The following TEX11 variants were observed in gnomAD, a reference collection of about 807,000 sequenced individuals.
TEX11 encodes the protein testis expressed 11, also known as testis-expressed protein 11.
In TEX11, 7 loss-of-function variants were observed where a neutral mutation model predicts 84.4. The observed-to-expected ratio is 0.08, with a 90% CI of 0.05 to 0.16. The LOEUF is 0.16. TEX11 is among the 10% of genes least tolerant of loss of function. TEX11 has a pLI of 1.00. For synonymous variants in TEX11, 264 were observed against 222.8 expected (o/e 1.18, Z -1.64); for missense variants, 551 against 660.5 (o/e 0.83, Z 1.82).
At chrX:70,903,240 A>T (rs552321370) in intron 2 of TEX11, among the ~76,000 whole-genome samples, 2 of 109,119 alleles carry the variant, frequency 1.8e-5, no homozygotes, top group African/African-American at 6.7e-5. Flanking sequence ...AAGATAGCAT[A>T]GTATGGTATA....
chrX:70,647,261 T>C (rs1368883458), intron 17 of TEX11, among the ~76,000 whole-genome samples: 1 of 111,116 alleles, frequency 9.0e-6, no homozygotes, highest in Non-Finnish European at 1.9e-5. Context: ...TCGGGGAGAT[T>C]AGGGAGATGG....
At chrX:70,515,653 T>C in the TEX11 span, among the ~76,000 whole-genome samples, 1 of 112,356 alleles carries the variant, frequency 8.9e-6, no homozygotes, top group South Asian at 3.7e-4. Flanking sequence ...GGATTGCTGG[T>C]TCAAATGGTA....
At chrX:70,835,290 A>C (rs2147834713) in intron 7 of TEX11, among the ~76,000 whole-genome samples, 1 of 112,403 alleles carries the variant, frequency 8.9e-6, no homozygotes, top group Admixed American at 9.5e-5. Flanking sequence ...CAAACAACCC[A>C]TAAAGTGTCT....
chrX:70,904,919 A>C (rs2091821509), intron 2 of TEX11, among the ~76,000 whole-genome samples: 1 of 112,832 alleles, frequency 8.9e-6, no homozygotes, highest in African/African-American at 3.2e-5. Flanking sequence ...AACATTTTTA[A>C]TATGACTACT....
chrX:70,896,776 A>T (rs1235495982), intron 2 of TEX11, among the ~76,000 whole-genome samples: 2 of 110,698 alleles, frequency 1.8e-5, no homozygotes, highest in Non-Finnish European at 3.8e-5. Context: ...AGGAACAGAA[A>T]ACCAAACACC....
intron 9 of TEX11, among the ~76,000 whole-genome samples, chrX:70,770,728 A>T (rs928509454): frequency 9.1e-6 from 1 of 110,447 alleles, no homozygotes; most frequent in African/African-American, 3.3e-5. Context: ...AATTTAAAAT[A>T]AAAAAAAAGA....
chrX:70,551,946 A>C (rs974308427), intron 28 of TEX11, among the ~76,000 whole-genome samples, 180 bp downstream of exon 28: 3 of 112,053 alleles, frequency 2.7e-5, no homozygotes, highest in Non-Finnish European at 3.8e-5. Context: ...GAAAATGTCT[A>C]CTTTCAACTA....
intron 24 of TEX11, among the ~76,000 whole-genome samples, chrX:70,600,042 G>T (rs2089075455): frequency 9.0e-6 from 1 of 110,833 alleles, no homozygotes; most frequent in Non-Finnish European, 1.9e-5. Context: ...CCCAGTAATG[G>T]GATTGCTGGG....
intron 7 of TEX11, among the ~76,000 whole-genome samples, chrX:70,849,804 C>A (rs1357192360): frequency 8.9e-6 from 1 of 112,050 alleles, no homozygotes; most frequent in African/African-American, 3.2e-5. Flanking sequence ...ATTATAACAA[C>A]TAACACTTTT....
At chrX:70,552,548 G>A (rs2088230143) in intron 27 of TEX11, among the ~76,000 whole-genome samples, 1 of 111,199 alleles carries the variant, frequency 9.0e-6, no homozygotes, top group East Asian at 2.8e-4. Flanking sequence ...GCATTTTAAA[G>A]CATCTCGGTA....
At chrX:70,618,457 C>T (rs2089344846) in intron 20 of TEX11, among the ~76,000 whole-genome samples, 1 of 111,517 alleles carries the variant, frequency 9.0e-6, no homozygotes, top group African/African-American at 3.3e-5. Context: ...ACATATTCCT[C>T]TTGTAACCTC....
intron 13 of TEX11, among the ~76,000 whole-genome samples, chrX:70,700,971 C>G (rs938157430): frequency 3.6e-4 from 40 of 111,564 alleles, no homozygotes; most frequent in African/African-American, 1.2e-3. Flanking sequence ...TCTATGAAGG[C>G]CTAGAGAGGT....
chrX:70,713,808 C>T (rs1227437461), intron 13 of TEX11, among the ~76,000 whole-genome samples: 4 of 111,155 alleles, frequency 3.6e-5, no homozygotes, highest in African/African-American at 6.5e-5. Flanking sequence ...CTGCTCTGAT[C>T]TTAGTTATTT....
intron 9 of TEX11, among the ~76,000 whole-genome samples, chrX:70,792,315 A>AATATAT (rs1556087562): frequency 3.2e-3 from 47 of 14,872 alleles, no homozygotes; most frequent in East Asian, 3.5e-3. Flanking sequence ...AAAAAAAAAA[A>AATATAT]ATATATATAT....
intron 25 of TEX11, among the ~76,000 whole-genome samples, chrX:70,564,330 C>T (rs986506590): frequency 8.9e-6 from 1 of 112,003 alleles, no homozygotes; most frequent in Admixed American, 9.4e-5. Flanking sequence ...CTCATAAAAT[C>T]CATGTATTAC....
chrX:70,613,331 C>A (rs1194499627), intron 20 of TEX11, among the ~76,000 whole-genome samples: 1 of 111,880 alleles, frequency 8.9e-6, no homozygotes, highest in African/African-American at 3.2e-5. Flanking sequence ...ACCAATGCCA[C>A]CCCTTCCCTA....
Position 70,749,736 on chromosome X carries a change from G to A in TEX11, c.693-5517C>T, listed in dbSNP as rs1426454931. The stretch of plus-strand genomic sequence containing the variant: ...TGCTGGATTACATTTATTGATTTGC[G>A]TATATTGAACCAGCCTTGCATCCCA... On this transcript the variant is annotated intron_variant, in intron 9 of 29. Coordinates refer to ENST00000374333, the MANE Select transcript of TEX11 (RefSeq NM_031276.3). Among the ~76,000 whole-genome samples the A allele has an allele frequency of 3.8e-3, 402 of 104,726 alleles. 1 individual carries two copies. Among genetic ancestry groups the A allele is most frequent in the Non-Finnish European group, 5.6e-3 (284 of 51,167 alleles). The allele number at this position is 104,726 out of a possible 115,157, so 90.9% of individuals were successfully genotyped here.
chrX:70,582,548 G>A (rs765967400), intron 25 of TEX11, among the ~76,000 whole-genome samples: 1 of 111,022 alleles, frequency 9.0e-6, no homozygotes, highest in African/African-American at 3.3e-5. Flanking sequence ...TGCCTAGATA[G>A]CAGACTCTGT....
intron 16 of TEX11, among the ~76,000 whole-genome samples, chrX:70,667,815 T>A (rs1483560576): frequency 9.0e-6 from 1 of 110,565 alleles, no homozygotes; most frequent in Non-Finnish European, 1.9e-5. Flanking sequence ...TAATCCCAGC[T>A]ACTCAGGAGG....
Sources: gnomAD v4.1 joint callset for allele counts (sites outside exome capture counted in the v4.1 genomes callset) on GRCh38, gnomAD v4.1.1 for gene constraint, MANE v1.5 for transcripts, NCBI Gene and HGNC (gene_info 2026-07-23, HGNC 2026-07-21) for gene names.